TRHDE: variants seen among roughly 807,000 people sequenced by gnomAD.
TRHDE encodes the protein thyrotropin-releasing hormone-degrading ectoenzyme.
Under a neutral mutation model 125.7 loss-of-function variants are expected in TRHDE, and 72 were observed. The observed-to-expected ratio is 0.57, with a 90% CI of 0.47 to 0.70. The LOEUF (loss-of-function observed/expected upper bound fraction) is 0.70. Among genes scored for constraint, TRHDE ranks in the 30% least tolerant of loss-of-function variants. The pLI, the probability that TRHDE is intolerant of heterozygous loss-of-function variation, is 0.00. For missense variants in TRHDE, 1,110 were observed against 1,327.1 expected, an observed-to-expected ratio of 0.84 and a Z score of 2.54; for synonymous variants, 509 against 509.1, an observed-to-expected ratio of 1.00 and a Z score of 0.00.
intron 2 of TRHDE, among the ~76,000 whole-genome samples, chr12:72,228,201 C>G (rs1188942320): frequency 6.6e-6 from 1 of 152,216 alleles, no homozygotes; most frequent in Non-Finnish European, 1.5e-5. Flanking sequence ...CATGAGGGCT[C>G]TGACCCTGTA....
At chr12:72,231,583 T>C (rs1199749576) in intron 2 of TRHDE, among the ~76,000 whole-genome samples, 1 of 152,168 alleles carries the variant, frequency 6.6e-6, no homozygotes, top group Admixed American at 6.5e-5. Flanking sequence ...ATGCAGAACA[T>C]AGAATCTCTA....
intron 3 of TRHDE, among the ~76,000 whole-genome samples, chr12:72,432,587 G>GT (rs1361420224): frequency 6.6e-6 from 1 of 152,000 alleles, no homozygotes; most frequent in Non-Finnish European, 1.5e-5. Context: ...TTTCCCTATA[G>GT]TTTTTCCCAC....
At chr12:72,244,223 C>T (rs1440189633) in intron 2 of TRHDE, among the ~76,000 whole-genome samples, 1 of 152,136 alleles carries the variant, frequency 6.6e-6, no homozygotes, top group Non-Finnish European at 1.5e-5. Context: ...CCTACTGGAT[C>T]TTCACCATCA....
intron 5 of TRHDE, among the ~76,000 whole-genome samples, chr12:72,496,539 G>T (rs656253): frequency 0.97 from 148,108 of 152,232 alleles, 72,068 homozygotes; most frequent in East Asian, 1. Context: ...CATGATTCAA[G>T]TATCTCCACC....
At chr12:72,474,274 G>A (rs1876786926) in intron 5 of TRHDE, among the ~76,000 whole-genome samples, 2 of 152,004 alleles carry the variant, frequency 1.3e-5, no homozygotes, top group Non-Finnish European at 2.9e-5. Context: ...ATTGTTATTT[G>A]GTGATAAGAA....
At chr12:72,356,528 C>T (rs1273405817) in intron 2 of TRHDE, among the ~76,000 whole-genome samples, 2 of 150,216 alleles carry the variant, frequency 1.3e-5, no homozygotes, top group Admixed American at 6.7e-5. Flanking sequence ...TAGCCCTGAA[C>T]CTAAAATAAA....
chr12:72,408,752 TA>T (rs879893778), intron 3 of TRHDE, among the ~76,000 whole-genome samples: 1 of 151,980 alleles, frequency 6.6e-6, no homozygotes, highest in Non-Finnish European at 1.5e-5. Flanking sequence ...TAGCTGAAAG[TA>T]AAAACTCAAT....
At chr12:72,172,634 G>A (rs1191299132) in intron 2 of TRHDE, among the ~76,000 whole-genome samples, 1 of 152,076 alleles carries the variant, frequency 6.6e-6, no homozygotes, top group Non-Finnish European at 1.5e-5. Flanking sequence ...ATCAAAGAAG[G>A]TTTCAAGTAC....
At chr12:72,445,331 A>T (rs2135861647) in intron 3 of TRHDE, among the ~76,000 whole-genome samples, 1 of 151,960 alleles carries the variant, frequency 6.6e-6, no homozygotes, top group Non-Finnish European at 1.5e-5. Flanking sequence ...TTCCACTCTG[A>T]AGAAAATATT....
intron 5 of TRHDE, among the ~76,000 whole-genome samples, chr12:72,491,774 A>C (rs3782362): frequency 0.27 from 41,127 of 151,838 alleles, 6,220 homozygotes; most frequent in East Asian, 0.57. Context: ...AAGTTTATGC[A>C]CTGATTAAGG....
At chr12:72,533,679 T>C (rs1392251381) in intron 6 of TRHDE, among the ~76,000 whole-genome samples, 1 of 151,596 alleles carries the variant, frequency 6.6e-6, no homozygotes, top group Non-Finnish European at 1.5e-5. Flanking sequence ...GGACTCTTTA[T>C]GTTTTATTTT....
chr12:72,410,870 TAA>T (rs796586000), intron 3 of TRHDE, among the ~76,000 whole-genome samples: 15 of 125,566 alleles, frequency 1.2e-4, no homozygotes, highest in Admixed American at 7.8e-5. Flanking sequence ...GATAAGCAGA[TAA>T]AAAAAAAAAA....
intron 12 of TRHDE, among the ~76,000 whole-genome samples, chr12:72,608,462 T>C (rs1872529954): frequency 6.6e-6 from 1 of 152,172 alleles, no homozygotes; most frequent in Non-Finnish European, 1.5e-5. Flanking sequence ...ACGCTGTTGA[T>C]GGTAGGTATA....
chr12:72,492,326 A>G (rs980301519), intron 5 of TRHDE, among the ~76,000 whole-genome samples: 6 of 151,924 alleles, frequency 3.9e-5, no homozygotes, highest in Admixed American at 3.9e-4. Context: ...CTAACTTTCA[A>G]CTGGTAGAAC....
At chr12:72,333,422 G>A (rs1451415740) in intron 2 of TRHDE, among the ~76,000 whole-genome samples, 1 of 152,146 alleles carries the variant, frequency 6.6e-6, no homozygotes, top group Non-Finnish European at 1.5e-5. Flanking sequence ...GTAGTAATCC[G>A]GGCGAAGAGA....
At chr12:72,586,540 A>G (rs1871446788) in intron 12 of TRHDE, among the ~76,000 whole-genome samples, 1 of 152,192 alleles carries the variant, frequency 6.6e-6, no homozygotes, top group African/African-American at 2.4e-5. Flanking sequence ...GCTTAATGTT[A>G]AAGATGTGAG....
chr12:72,406,841 G>A (rs1211900195), intron 3 of TRHDE, among the ~76,000 whole-genome samples: 1 of 152,168 alleles, frequency 6.6e-6, no homozygotes, highest in East Asian at 1.9e-4. Flanking sequence ...TAAATGTGGT[G>A]TTAAAATTTA....
chr12:72,492,450 A>T (rs1048143647), intron 5 of TRHDE, among the ~76,000 whole-genome samples: 1 of 151,940 alleles, frequency 6.6e-6, no homozygotes, highest in Admixed American at 6.6e-5. Flanking sequence ...ATAATTTCTA[A>T]TTTTCACAAA....
chr12:72,244,866 A>G (rs1417730214), intron 2 of TRHDE, among the ~76,000 whole-genome samples: 1 of 152,172 alleles, frequency 6.6e-6, no homozygotes, highest in East Asian at 1.9e-4. Flanking sequence ...TTTCACTCCC[A>G]TTAAATGTGT....
Sources: gnomAD v4.1 joint callset for allele counts (sites outside exome capture counted in the v4.1 genomes callset) on GRCh38, gnomAD v4.1.1 for gene constraint, MANE v1.5 for transcripts, NCBI Gene and HGNC (gene_info 2026-07-23, HGNC 2026-07-21) for gene names.